The following ZNF721 variants were observed in gnomAD, a reference collection of about 807,000 sequenced individuals.
ZNF721 encodes zinc finger protein 721.
In ZNF721, 2 loss-of-function variants were observed where a neutral mutation model predicts 2.4. That is an observed-to-expected ratio of 0.82 (90% CI 0.34 to 2.58). The LOEUF is 2.58. Among genes scored for constraint, ZNF721 ranks in the 30% most tolerant of loss-of-function variants. The pLI is 0.11. For missense variants in ZNF721, 1,187 were observed against 1,085.5 expected, an observed-to-expected ratio of 1.09 and a Z score of -1.31; for synonymous variants, 398 against 381.8, an observed-to-expected ratio of 1.04 and a Z score of -0.50.
intron 1 of ZNF721, among the ~76,000 whole-genome samples, chr4:484,481 G>C (rs1553869939): frequency 1.3e-5 from 2 of 152,218 alleles, no homozygotes; most frequent in African/African-American, 4.8e-5. Flanking sequence ...TCTTTCAAAA[G>C]CAAATGGGAG....
At chr4:483,278 C>T (rs1553869789) in intron 1 of ZNF721, among the ~76,000 whole-genome samples, 2 of 152,124 alleles carry the variant, frequency 1.3e-5, no homozygotes, top group African/African-American at 4.8e-5. Flanking sequence ...TGGCTGGGCA[C>T]GGTGGCTCAC....
At position 442,202 on chromosome 4, in the gene ZNF721, A is replaced by C. The variant is rs1553863279; in HGVS notation, c.2265T>G (p.Cys755Trp). 11 of 1,612,182 alleles carry C rather than the reference A, an allele frequency of 6.8e-6. No individual in the cohort carries two copies. Among genetic ancestry groups the C allele is most frequent in the Non-Finnish European group, 8.5e-6 (10 of 1,178,812 alleles). Residue 755 changes from cysteine (C) to tryptophan (W), a missense_variant, in exon 3 of 3, where the codon TGT (cysteine) becomes TGG (tryptophan). Transcript: ENST00000511833. The part of the protein sequence containing the change: ...KIHTGDKLYK[C>W]KECGKVFKQS... ...GTTTAAACACTTTCCCACATTCTTT[A>C]CATTTGTAGAGTTTATCTCCAGTAT... is the stretch of plus-strand genomic sequence containing the variant.
intron 2 of ZNF721, among the ~76,000 whole-genome samples, chr4:452,561 C>T (rs1026916391): frequency 6.6e-6 from 1 of 152,114 alleles, no homozygotes; most frequent in South Asian, 2.1e-4. Context: ...GCTGAACAAG[C>T]GGTGCAACTG....
rs549962149 is a variant in ZNF721, at chr4:461,288, A to G, written c.34+11287T>C. Among the ~76,000 whole-genome samples the G allele has an allele frequency of 1.1e-3, 161 of 152,330 alleles. 2 individuals carry two copies. The South Asian group carries it at 0.013, about 13-fold the overall frequency. On this transcript the variant is annotated intron_variant, in intron 2 of 2. Transcript: ENST00000511833. The stretch of plus-strand genomic sequence containing the variant: ...CTCAGCTTCATCCCTAGCATGAAAC[A>G]CTAGTTCAACATACGCCAATCAATA...
At chr4:484,965 G>A (rs1715858316) in intron 1 of ZNF721, among the ~76,000 whole-genome samples, 2 of 152,244 alleles carry the variant, frequency 1.3e-5, no homozygotes, top group African/African-American at 4.8e-5. Flanking sequence ...ACTGACATGT[G>A]ATGTCTCCCC....
intron 2 of ZNF721, chr4:453,934 C>T (rs961517400): frequency 2.0e-5 from 3 of 152,154 alleles, no homozygotes; most frequent in African/African-American, 7.2e-5. Flanking sequence ...TATTGGGAAC[C>T]TGCTGTGCTG....
intron 2 of ZNF721, among the ~76,000 whole-genome samples, chr4:464,484 A>G (rs1177554607): frequency 5.9e-5 from 9 of 151,848 alleles, no homozygotes; most frequent in African/African-American, 2.2e-4. Context: ...AAAAAAAAAA[A>G]AAAAAGTCAT....
chr4:461,949 G>A, intron 2 of ZNF721, among the ~76,000 whole-genome samples: 1 of 152,278 alleles, frequency 6.6e-6, no homozygotes, highest in South Asian at 2.1e-4. Context: ...ATTCAAATAG[G>A]AAGACAGGAA....
rs573097664 is a variant in ZNF721, at chr4:444,170, A to G, written c.297T>C (p.Asp99=). The change falls in exon 3 of 3, where the codon GAT becomes GAC. Residue 99 remains aspartate, a synonymous_variant. Coordinates refer to ENST00000511833, the MANE Select transcript of ZNF721 (RefSeq NM_133474.4). ...GTTTCTCTCCAGTATGTCTTGTCTT[A>G]TCTTTGTTTGAATTTGCAAATTTAC... is the stretch of plus-strand genomic sequence containing the variant. ...VFSKFANSNK[D]KTRHTGEKHF... 4.1e-5 allele frequency: 66 copies of G among 1,613,980 alleles called. No homozygotes were observed. In the East Asian group the frequency reaches 1.2e-3, roughly 31 times the overall value.
chr4:488,594 G>A (rs1400200386), intron 1 of ZNF721, among the ~76,000 whole-genome samples: 6 of 152,190 alleles, frequency 3.9e-5, no homozygotes, highest in Non-Finnish European at 7.3e-5. Context: ...CACTTTGGGA[G>A]GCCGAGGCAG....
Position 487,902 on chromosome 4 carries a change from A to T in ZNF721, c.-94+11154T>A, listed in dbSNP as rs1052218. On this transcript the variant is annotated intron_variant, in intron 1 of 2. Coordinates refer to ENST00000511833, the MANE Select transcript of ZNF721 (RefSeq NM_133474.4). ...TAGCAAAGGATCGAAGGCGACTGTCACTACAACCCTCCCCCTTGTACCAGT... is the reference window on the plus strand; with the variant it reads ...TAGCAAAGGATCGAAGGCGACTGTCTCTACAACCCTCCCCCTTGTACCAGT... 2.7e-3 allele frequency among the ~76,000 whole-genome samples: 411 copies of T among 152,314 alleles called. 4 individuals carry two copies. Among genetic ancestry groups the T allele is most frequent in the African/African-American group, 9.1e-3 (380 of 41,574 alleles).
intron 2 of ZNF721, among the ~76,000 whole-genome samples, chr4:467,075 A>T (rs1553866839): frequency 6.6e-6 from 1 of 151,936 alleles, no homozygotes; most frequent in East Asian, 1.9e-4. Context: ...AAAAAAAATT[A>T]GCCGGGCGTG....
At chr4:469,083 T>C (rs565953938) in intron 2 of ZNF721, among the ~76,000 whole-genome samples, 11 of 152,194 alleles carry the variant, frequency 7.2e-5, no homozygotes, top group Non-Finnish European at 1.3e-4. Context: ...ATAACCAACA[T>C]GTAAATACTT....
chr4:497,671 G>C (rs539891315), intron 1 of ZNF721, among the ~76,000 whole-genome samples: 1 of 150,194 alleles, frequency 6.7e-6, no homozygotes, highest in Non-Finnish European at 1.5e-5. Flanking sequence ...GGCGGATCAC[G>C]AGGTCAGGAG....
chr4:497,748 A>AT (rs1716273405), intron 1 of ZNF721, among the ~76,000 whole-genome samples: 1 of 150,438 alleles, frequency 6.6e-6, no homozygotes, highest in South Asian at 2.1e-4. Context: ...AAAAAAAAAA[A>AT]TTTGACGGGC....
At position 442,013 on chromosome 4, in the gene ZNF721, A is replaced by G; in HGVS notation, c.2454T>C (p.Phe818=). The G allele has an allele frequency of 1.9e-6, 3 of 1,614,002 alleles. No homozygotes were observed. Among genetic ancestry groups the G allele is most frequent in the Non-Finnish European group, 2.5e-6 (3 of 1,179,926 alleles). The change falls in exon 3 of 3, where the codon TTT becomes TTC. Residue 818 remains phenylalanine, a synonymous_variant. Coordinates refer to ENST00000511833, the MANE Select transcript of ZNF721 (RefSeq NM_133474.4). ...PFKCLECGKA[F]TSSTTLTKHR... ...GTTTAGTAAGGGTTGTGGAACTAGT[A>G]AACGCTTTACCACATTCTAAACATT...
At chr4:480,075 A>G (rs1371337982) in intron 1 of ZNF721, among the ~76,000 whole-genome samples, 2 of 151,876 alleles carry the variant, frequency 1.3e-5, no homozygotes, top group Admixed American at 6.6e-5. Context: ...TCAATTTGGA[A>G]CTCTACAGAA....
chr4:471,122 T>C (rs186593388), intron 2 of ZNF721, among the ~76,000 whole-genome samples: 19 of 152,258 alleles, frequency 1.2e-4, no homozygotes, highest in East Asian at 7.7e-4. Flanking sequence ...AGATTTTTTT[T>C]CCCAAAGACA....
chr4:477,594 CT>C (rs1478111195), intron 1 of ZNF721, among the ~76,000 whole-genome samples: 1 of 152,018 alleles, frequency 6.6e-6, no homozygotes, highest in Non-Finnish European at 1.5e-5. Flanking sequence ...CACAGTGCCC[CT>C]AGACTCGAAG....
Sources: allele counts gnomAD v4.1 joint callset (sites outside exome capture counted in the v4.1 genomes callset), GRCh38; gene constraint gnomAD v4.1.1; transcripts MANE v1.5; gene names NCBI Gene and HGNC (gene_info 2026-07-23, HGNC 2026-07-21).